Variants in KNG1 observed in about 807,000 individuals in gnomAD.
KNG1 encodes kininogen-1.
A neutral mutation model predicts 47.8 loss-of-function variants in KNG1; 23 were observed. The observed-to-expected ratio is 0.48, with a 90% CI of 0.35 to 0.68. The LOEUF (loss-of-function observed/expected upper bound fraction) is 0.68, where lower values mean the gene tolerates loss of function less well. KNG1 is among the 30% of genes least tolerant of loss of function. The pLI, the probability that KNG1 is intolerant of heterozygous loss-of-function variation, is 0.01. For missense variants in KNG1, 762 were observed against 790.2 expected (o/e 0.96, Z 0.43); for synonymous variants, 277 against 277.0 (o/e 1.00, Z 0.00).
chr3:186,725,542 G>GTTTTTTTTTTTTTTT (rs1560063426), intron 4 of KNG1, among the ~76,000 whole-genome samples: 9 of 75,056 alleles, frequency 1.2e-4, no homozygotes, highest in East Asian at 2.9e-4. Flanking sequence ...CCGGCCTTAG[G>GTTTTTTTTTTTTTTT]ATTTTTTTTT....
intron 2 of KNG1, 106 bp downstream of exon 2, chr3:186,720,321 A>T: frequency 2.7e-6 from 2 of 750,406 alleles, no homozygotes; most frequent in Non-Finnish European, 4.8e-6. Flanking sequence ...TTTATGAGAA[A>T]TGCAAATAAA....
intron 7 of KNG1, chr3:186,738,378 C>G (rs1720719279): frequency 6.6e-6 from 1 of 152,064 alleles, no homozygotes; most frequent in Non-Finnish European, 1.5e-5. Flanking sequence ...TATAGTAGTA[C>G]TAACTCAGTA....
Position 186,744,273 on chromosome 3 carries a change from T to A in KNG1, c.*1942T>A, listed in dbSNP as rs1720885161. Reference sequence around the variant, plus strand: ...TCCAGTTAATTACCAAAAATATTTTTAAAATCATCTCTGTTAATAGAATGT... The same window carrying A: ...TCCAGTTAATTACCAAAAATATTTTAAAAATCATCTCTGTTAATAGAATGT... On this transcript the variant is annotated 3_prime_UTR_variant, in exon 10 of 10. Transcript: ENST00000644859. 1 of 160,630 alleles carries A rather than the reference T, an allele frequency of 6.2e-6. No individual in the cohort carries two copies. The highest frequency in any genetic ancestry group is 1.4e-5 in the Non-Finnish European group (1 of 72,524). The allele number at this position is 160,630 out of a possible 1,614,324, so 10.0% of individuals were successfully genotyped here. A position where few individuals can be genotyped will look rare whatever the true frequency, so the allele number is the denominator to read the frequency against.
At chr3:186,727,770 C>T (rs551259416) in intron 5 of KNG1, among the ~76,000 whole-genome samples, 132 of 152,030 alleles carry the variant, frequency 8.7e-4, no homozygotes, top group Non-Finnish European at 1.6e-3. Flanking sequence ...CAGGGTTTTA[C>T]CGTGTTAGCC....
rs1318823203 is a variant in KNG1 at position 186,739,194 on chromosome 3, C to CA, written c.1032dup (p.Leu345ThrfsTer10). The CA allele has an allele frequency of 1.2e-6, 2 of 1,613,840 alleles. No homozygotes were observed. Among genetic ancestry groups the CA allele is most frequent in the Non-Finnish European group, 1.7e-6 (2 of 1,179,740 alleles). On this transcript the variant is annotated frameshift_variant, in exon 8 of 10. Coordinates refer to ENST00000644859, the MANE Select transcript of KNG1 (RefSeq NM_001102416.3). LOFTEE classifies it high-confidence loss of function. The stretch of plus-strand genomic sequence containing the variant: ...AAGAGTTGACCGAAAGCTGTGAGAC[C>CA]AAAAAACTTGGCGTGAGTAGTCATG...
At chr3:186,732,831 A>G (rs907443564) in intron 7 of KNG1, among the ~76,000 whole-genome samples, 157 bp downstream of exon 7, 2 of 152,218 alleles carry the variant, frequency 1.3e-5, no homozygotes, top group African/African-American at 4.8e-5. Context: ...ATCTCCCTGT[A>G]TGCTTCATCC....
At position 186,732,631 on chromosome 3, in the gene KNG1, C is replaced by A. The variant is rs1720567073; in HGVS notation, c.887C>A (p.Thr296Asn). The stretch of plus-strand genomic sequence containing the variant: ...AAGCTTAATGCAGAGAATAACGCAA[C>A]TTTCTATTTCAAGATTGACAATGTG... ...ITKLNAENNATFYFKIDNVKK... is the reference protein window; with the variant it reads ...ITKLNAENNANFYFKIDNVKK... The change falls in exon 7 of 10, where the codon ACT becomes AAT. Residue 296 changes from threonine to asparagine, a missense_variant. Thr to Asn is a moderately conservative substitution (Grantham distance 65). Coordinates refer to ENST00000644859, the MANE Select transcript of KNG1 (RefSeq NM_001102416.3). The A allele has an allele frequency of 5.0e-6, 8 of 1,613,976 alleles. No homozygotes were observed. Among genetic ancestry groups the A allele is most frequent in the Non-Finnish European group, 6.8e-6 (8 of 1,179,956 alleles).
intron 7 of KNG1, among the ~76,000 whole-genome samples, chr3:186,735,569 G>T (rs1480173991): frequency 1.3e-5 from 2 of 151,920 alleles, no homozygotes; most frequent in African/African-American, 4.8e-5. Flanking sequence ...AGTGAGCAAA[G>T]ATCATGCCAT....
intron 9 of KNG1, among the ~76,000 whole-genome samples, chr3:186,739,922 C>T (rs1326713006): frequency 1.3e-5 from 2 of 152,046 alleles, no homozygotes; most frequent in Admixed American, 6.6e-5. Flanking sequence ...TGTGGTGGCG[C>T]CTGTAATCCC....
chr3:186,736,923 TG>T (rs1178521939), intron 7 of KNG1: 1 of 152,166 alleles, frequency 6.6e-6, no homozygotes, highest in Non-Finnish European at 1.5e-5. Context: ...TGGTGACACT[TG>T]CCCGTAATCT....
Position 186,742,539 on chromosome 3 carries a change from T to C in KNG1, c.*208T>C, listed in dbSNP as rs1720844392. ...GTGTGCCACAATTCTAACTCTTTTC[T>C]GAATCTTCTTCCCAAGTTTTCTAAA... On this transcript the variant is annotated 3_prime_UTR_variant, in exon 10 of 10. Transcript: ENST00000644859. 2.9e-6 allele frequency: 4 copies of C among 1,399,336 alleles called. No individual in the cohort carries two copies. The highest frequency in any genetic ancestry group is 3.7e-6 in the Non-Finnish European group (4 of 1,080,882). The allele number at this position is 1,399,336 out of a possible 1,614,324, so 86.7% of individuals were successfully genotyped here.
chr3:186,719,042 A>AT (rs1322036755), intron 1 of KNG1, among the ~76,000 whole-genome samples: 5 of 152,162 alleles, frequency 3.3e-5, no homozygotes, highest in African/African-American at 1.2e-4. Flanking sequence ...ATAAAGGAAA[A>AT]TAAACACAGT....
In KNG1 at chr3:186,742,120, C is replaced by G. The variant is rs182687164; in HGVS notation, c.1724C>G (p.Pro575Arg). 1.9e-6 allele frequency: 3 copies of G among 1,614,120 alleles called. No individual in the cohort carries two copies. The highest frequency in any genetic ancestry group is 3.3e-5 in the Admixed American group (2 of 60,008). The change falls in exon 10 of 10, where the codon CCT becomes CGT. Residue 575 changes from proline (P) to arginine (R), a missense_variant. By Grantham distance (103) the Pro-to-Arg change is moderately radical. Transcript: ENST00000644859. ...GATCTCATTGCAACTATGATGCCTCCTATATCACCAGCTCCCATACAGAGT... is the reference window on the plus strand; with the variant it reads ...GATCTCATTGCAACTATGATGCCTCGTATATCACCAGCTCCCATACAGAGT... ...DSDLIATMMPPISPAPIQSDD... is the reference protein window; with the variant it reads ...DSDLIATMMPRISPAPIQSDD...
Position 186,742,740 on chromosome 3 carries a change from AG to A in KNG1, c.*410del. 9.6e-7 allele frequency: 1 copy of A among 1,038,310 alleles called. No homozygotes were observed. Among genetic ancestry groups the A allele is most frequent in the Non-Finnish European group, 1.2e-6 (1 of 862,762 alleles). 64.3% of individuals were successfully genotyped at this position (1,038,310 alleles called of 1,614,324 possible). A position where few individuals can be genotyped will look rare whatever the true frequency, so the allele number is the denominator to read the frequency against. On this transcript the variant is annotated 3_prime_UTR_variant, in exon 10 of 10. Transcript: ENST00000644859. ...GTGTGTGAAAATAAGGGAAGTCAAG[AG>A]ATTAAATGCTGAACTTATTAATGGA...
intron 5 of KNG1, chr3:186,728,733 C>T (rs941583593): frequency 6.6e-6 from 1 of 152,190 alleles, no homozygotes; most frequent in East Asian, 1.9e-4. Context: ...TCACTGCAAC[C>T]TCTGCCTCCC....
chr3:186,725,274 T>C lies in KNG1; in HGVS notation c.564+14T>C, dbSNP rs182678731. The C allele has an allele frequency of 1.7e-4, 267 of 1,610,636 alleles. No homozygotes were observed. Among genetic ancestry groups the C allele is most frequent in the Non-Finnish European group, 2.2e-4 (255 of 1,176,852 alleles). On this transcript the variant is annotated intron_variant, in intron 4 of 9. Coordinates refer to ENST00000644859, the MANE Select transcript of KNG1 (RefSeq NM_001102416.3). ...GCCCAAAGACAGGTTTGTTCTTTAATTCTCTAAGTAGCACAGTATTACTAA... is the reference window on the plus strand; with the variant it reads ...GCCCAAAGACAGGTTTGTTCTTTAACTCTCTAAGTAGCACAGTATTACTAA...
chr3:186,731,675 C>CCAGACAACT (rs772306611), intron 6 of KNG1, 46 bp downstream of exon 6: 17 of 1,206,496 alleles, frequency 1.4e-5, no homozygotes, highest in Non-Finnish European at 2.0e-5. Flanking sequence ...AATAGTGGTC[C>CCAGACAACT]CAGACAACTG....
chr3:186,727,102 GTAA>G (rs1720395766), intron 4 of KNG1, 132 bp from the exon 5 acceptor site: 7 of 680,546 alleles, frequency 1.0e-5, no homozygotes, highest in South Asian at 1.7e-5. Context: ...TTTTTGCCTA[GTAA>G]TAATAATATT....
intron 9 of KNG1, 110 bp from the exon 10 acceptor site, chr3:186,741,412 C>A: frequency 2.1e-6 from 2 of 949,536 alleles, no homozygotes; most frequent in Non-Finnish European, 3.1e-6. Flanking sequence ...ATCTGGCAAA[C>A]ACCTCCCCCA....
Sources: allele counts gnomAD v4.1 joint callset (sites outside exome capture counted in the v4.1 genomes callset), GRCh38; gene constraint gnomAD v4.1.1; transcripts MANE v1.5; gene names NCBI Gene and HGNC (gene_info 2026-07-23, HGNC 2026-07-21).